Variants in ANKS1B observed in about 807,000 individuals in gnomAD.
ANKS1B encodes the protein ankyrin repeat and sterile alpha motif domain containing 1B.
ANKS1B carries 36 observed loss-of-function variants against 148.3 expected under a neutral mutation model. The ratio of observed to expected loss-of-function variants is 0.24; its 90% CI spans 0.19 to 0.32. The LOEUF is 0.32. ANKS1B is among the 10% of genes least tolerant of loss of function. The pLI is 1.00. For synonymous variants in ANKS1B, 542 were observed against 560.8 expected, an observed-to-expected ratio of 0.97 and a Z score of 0.47; for missense variants, 1,157 against 1,542.6, an observed-to-expected ratio of 0.75 and a Z score of 4.19.
intron 22 of ANKS1B, among the ~76,000 whole-genome samples, chr12:98,785,933 C>A (rs1045301610): frequency 1.3e-5 from 2 of 152,124 alleles, no homozygotes; most frequent in Non-Finnish European, 2.9e-5. Context: ...CGTTTTCTTT[C>A]GTTTCTAGTT....
chr12:98,744,436 T>C lies in ANKS1B; in HGVS notation c.*1303A>G. On this transcript the variant is annotated 3_prime_UTR_variant, in exon 27 of 27. Transcript: ENST00000683438. ...ATCGCTATAATGAACTTCAAAATGA[T>C]TCACAATATGATTGTTAGAACAATA... is the stretch of plus-strand genomic sequence containing the variant. The C allele has an allele frequency of 2.5e-6, 2 of 797,560 alleles. No homozygotes were observed. Among genetic ancestry groups the C allele is most frequent in the Non-Finnish European group, 3.0e-6 (2 of 658,370 alleles). The allele number at this position is 797,560 out of a possible 1,614,324, so 49.4% of individuals were successfully genotyped here. A position where few individuals can be genotyped will look rare whatever the true frequency, so the allele number is the denominator to read the frequency against.
intron 14 of ANKS1B, among the ~76,000 whole-genome samples, chr12:99,180,758 C>T (rs1490376736): frequency 6.6e-6 from 1 of 151,788 alleles, no homozygotes; most frequent in Non-Finnish European, 1.5e-5. Flanking sequence ...ACACAAAACC[C>T]CAAAGCATGG....
chr12:99,241,727 G>C (rs2089372773), intron 14 of ANKS1B, among the ~76,000 whole-genome samples: 1 of 152,136 alleles, frequency 6.6e-6, no homozygotes, highest in Admixed American at 6.6e-5. Context: ...ATCCCTGGGA[G>C]GCCAGGTTGG....
intron 12 of ANKS1B, among the ~76,000 whole-genome samples, chr12:99,390,587 A>G (rs2094025673): frequency 6.6e-6 from 1 of 152,230 alleles, no homozygotes; most frequent in Non-Finnish European, 1.5e-5. Flanking sequence ...AGAATGTAGC[A>G]TAATAAATAG....
chr12:99,011,137 G>A (rs1326066610), intron 17 of ANKS1B, among the ~76,000 whole-genome samples: 1 of 152,074 alleles, frequency 6.6e-6, no homozygotes, highest in Non-Finnish European at 1.5e-5. Flanking sequence ...TATTATCCCT[G>A]CAGTCAGTGG....
At chr12:99,315,451 CAT>C (rs1420139906) in intron 12 of ANKS1B, among the ~76,000 whole-genome samples, 1 of 152,058 alleles carries the variant, frequency 6.6e-6, no homozygotes, top group Non-Finnish European at 1.5e-5. Flanking sequence ...AGCCAACAAA[CAT>C]ATGAAGAAAA....
At chr12:99,007,791 G>A (rs1029425503) in intron 17 of ANKS1B, among the ~76,000 whole-genome samples, 7 of 152,012 alleles carry the variant, frequency 4.6e-5, no homozygotes, top group South Asian at 2.1e-4. Flanking sequence ...ATGGCTTAAT[G>A]TCTCTTGGCT....
chr12:99,631,059 T>C (rs1258916780), intron 9 of ANKS1B, among the ~76,000 whole-genome samples: 1 of 152,136 alleles, frequency 6.6e-6, no homozygotes, highest in Non-Finnish European at 1.5e-5. Context: ...ATGTAAGACA[T>C]GACTTTGCTC....
intron 1 of ANKS1B, among the ~76,000 whole-genome samples, chr12:99,974,152 C>T (rs372450675): frequency 2.0e-5 from 3 of 152,314 alleles, no homozygotes; most frequent in South Asian, 2.1e-4. Context: ...GAGACAAGAC[C>T]TTCTACCAGC....
At chr12:99,423,941 C>T (rs896257791) in intron 11 of ANKS1B, among the ~76,000 whole-genome samples, 1 of 152,082 alleles carries the variant, frequency 6.6e-6, no homozygotes, top group Non-Finnish European at 1.5e-5. Flanking sequence ...CACCCCGACA[C>T]AAGTTTACCT....
At chr12:99,674,230 A>G (rs1262859288) in intron 8 of ANKS1B, among the ~76,000 whole-genome samples, 1 of 151,872 alleles carries the variant, frequency 6.6e-6, no homozygotes, top group Non-Finnish European at 1.5e-5. Context: ...ATTGGGGATT[A>G]TAATAATTTA....
rs2064079462 is a variant in ANKS1B at position 99,779,984 on chromosome 12, A to T, written c.746-12T>A. The T allele has an allele frequency of 6.3e-7, 1 of 1,576,966 alleles. No homozygotes were observed. Among genetic ancestry groups the T allele is most frequent in the East Asian group, 2.2e-5 (1 of 44,626 alleles). ...GTTGGCATCAATTCCTGAAAGAAAAAGAAAAACTCACTAGATATACACCAC... is the reference window on the plus strand; with the variant it reads ...GTTGGCATCAATTCCTGAAAGAAAATGAAAAACTCACTAGATATACACCAC... On this transcript the variant is annotated splice_polypyrimidine_tract_variant and intron_variant, in intron 5 of 26. Coordinates refer to ENST00000683438, the MANE Select transcript of ANKS1B (RefSeq NM_001352186.2).
chr12:99,454,444 T>C (rs2095812549), intron 10 of ANKS1B, among the ~76,000 whole-genome samples: 1 of 152,188 alleles, frequency 6.6e-6, no homozygotes, highest in Admixed American at 6.5e-5. Flanking sequence ...TTTGGTCTTA[T>C]CTACACCAGA....
At chr12:99,395,638 G>A (rs1483880522) in intron 12 of ANKS1B, among the ~76,000 whole-genome samples, 2 of 152,032 alleles carry the variant, frequency 1.3e-5, no homozygotes, top group East Asian at 3.8e-4. Context: ...GAACTTTCTA[G>A]TTAAATGTGA....
At chr12:99,298,536 G>C (rs934285475) in intron 12 of ANKS1B, among the ~76,000 whole-genome samples, 1 of 152,106 alleles carries the variant, frequency 6.6e-6, no homozygotes, top group East Asian at 1.9e-4. Context: ...ACCCAGTCTT[G>C]GGTATGTCTT....
intron 14 of ANKS1B, among the ~76,000 whole-genome samples, chr12:99,190,918 T>A (rs1455471773): frequency 1.3e-5 from 2 of 151,722 alleles, no homozygotes; most frequent in Admixed American, 6.6e-5. Context: ...ACCTACAGAA[T>A]GGGAGAAAAT....
chr12:99,575,606 C>A (rs999570566), intron 9 of ANKS1B, among the ~76,000 whole-genome samples: 1 of 151,914 alleles, frequency 6.6e-6, no homozygotes, highest in Non-Finnish European at 1.5e-5. Flanking sequence ...AAGGGGAAAC[C>A]CCTTATCAAA....
chr12:99,543,772 GATTTC>G (rs1271752996), intron 9 of ANKS1B, among the ~76,000 whole-genome samples: 24 of 152,024 alleles, frequency 1.6e-4, no homozygotes, highest in African/African-American at 5.8e-4. Flanking sequence ...CATATTACAC[GATTTC>G]ATTTATATGG....
At chr12:98,916,275 C>A (rs1567765972) in intron 17 of ANKS1B, among the ~76,000 whole-genome samples, 1 of 152,216 alleles carries the variant, frequency 6.6e-6, no homozygotes, top group Non-Finnish European at 1.5e-5. Context: ...GATGTCACAG[C>A]GGAATATACA....
Sources: allele counts gnomAD v4.1 joint callset (sites outside exome capture counted in the v4.1 genomes callset), GRCh38; gene constraint gnomAD v4.1.1; transcripts MANE v1.5; gene names NCBI Gene and HGNC (gene_info 2026-07-23, HGNC 2026-07-21).